The following CIT variants were observed in gnomAD, a reference collection of about 807,000 sequenced individuals.
The protein encoded by CIT is citron rho-interacting serine/threonine kinase.
A neutral mutation model predicts 272.7 loss-of-function variants in CIT; 79 were observed. That is an observed-to-expected ratio of 0.29 (90% CI 0.24 to 0.35). CIT has a LOEUF of 0.35. Among genes scored for constraint, CIT ranks in the 10% least tolerant of loss-of-function variants. The pLI, the probability that CIT is intolerant of heterozygous loss-of-function variation, is 1.00. For synonymous variants in CIT, 948 were observed against 995.6 expected, an observed-to-expected ratio of 0.95 and a Z score of 0.90; for missense variants, 1,909 against 2,618.3, an observed-to-expected ratio of 0.73 and a Z score of 5.91.
At chr12:119,815,686 A>C (rs958608203) in intron 9 of CIT, among the ~76,000 whole-genome samples, 1 of 152,128 alleles carries the variant, frequency 6.6e-6, no homozygotes, top group Non-Finnish European at 1.5e-5. Context: ...AGCCTGGGCA[A>C]CTAGAGCAAA....
In CIT at chr12:119,718,121, T is replaced by A. The variant is rs952292870; in HGVS notation, c.4168+124A>T. On this transcript the variant is annotated intron_variant, in intron 32 of 47. Coordinates refer to ENST00000392521, the MANE Select transcript of CIT (RefSeq NM_001206999.2). This position sits in a 1 kb window ranked among gnomAD's most constrained non-coding sequence, Gnocchi z 4.8. Reference sequence around the variant, plus strand: ...TCCCAAAGTGCTGGGGTTACAGGTGTGAGCCACCGTGCCTGGCCAAGACTG... The same window carrying A: ...TCCCAAAGTGCTGGGGTTACAGGTGAGAGCCACCGTGCCTGGCCAAGACTG... 5.2e-6 allele frequency: 6 copies of A among 1,144,940 alleles called. No homozygotes were observed. The highest frequency in any genetic ancestry group is 2.3e-4 in the Middle Eastern group (1 of 4,440). The allele number at this position is 1,144,940 out of a possible 1,614,324, so 70.9% of individuals were successfully genotyped here.
At chr12:119,854,073 G>A (rs1970413606) in intron 4 of CIT, among the ~76,000 whole-genome samples, 1 of 151,736 alleles carries the variant, frequency 6.6e-6, no homozygotes, top group Non-Finnish European at 1.5e-5. Context: ...TGTTGCCCAG[G>A]CTGTAGTGCA....
intron 40 of CIT, among the ~76,000 whole-genome samples, chr12:119,706,221 G>A (rs1004123286): frequency 6.6e-6 from 1 of 152,064 alleles, no homozygotes; most frequent in Non-Finnish European, 1.5e-5. Flanking sequence ...ATAAACACCT[G>A]ATTCAGACTT....
chr12:119,811,767 C>T (rs1027090671), intron 9 of CIT, among the ~76,000 whole-genome samples: 1 of 152,160 alleles, frequency 6.6e-6, no homozygotes, highest in African/African-American at 2.4e-5. Context: ...TTTAGCTTTA[C>T]TTTGTTTTTT....
chr12:119,824,329 T>C (rs1440670212), intron 8 of CIT, among the ~76,000 whole-genome samples: 1 of 152,064 alleles, frequency 6.6e-6, no homozygotes, highest in African/African-American at 2.4e-5. Context: ...TTTCCTCATC[T>C]ATAAATGAAA....
At chr12:119,777,105 A>G (rs766978983) in intron 13 of CIT, among the ~76,000 whole-genome samples, 158 of 152,204 alleles carry the variant, frequency 1.0e-3, no homozygotes, top group Middle Eastern at 3.4e-3. Flanking sequence ...AAATACAAAA[A>G]TTAGCTGGGT....
chr12:119,759,908 C>T (rs1205065068), intron 20 of CIT, among the ~76,000 whole-genome samples: 4 of 151,920 alleles, frequency 2.6e-5, no homozygotes, highest in Non-Finnish European at 4.4e-5. Flanking sequence ...GATGTGGGGT[C>T]GGGCGCGGTG....
chr12:119,809,601 C>T (rs1441100488), intron 9 of CIT, among the ~76,000 whole-genome samples: 1 of 152,184 alleles, frequency 6.6e-6, no homozygotes, highest in Non-Finnish European at 1.5e-5. Flanking sequence ...CTCCTTTCAT[C>T]TGCTCAAGGC....
chr12:119,804,242 G>A lies in CIT; in HGVS notation c.1112-853C>T. ...CGACCTACTAAGCGCTCTCGGTCTG[G>A]GAGGTGGACACTCGTCCATCAGTCA... On this transcript the variant is annotated intron_variant, in intron 9 of 47. Transcript: ENST00000392521. The surrounding 1 kb of genome is among the most constrained non-coding windows in gnomAD (Gnocchi z 5.3). 1 of 985,492 alleles carries A rather than the reference G, an allele frequency of 1.0e-6. No individual in the cohort carries two copies. Among genetic ancestry groups the A allele is most frequent in the Non-Finnish European group, 1.2e-6 (1 of 829,974 alleles). The allele number at this position is 985,492 out of a possible 1,614,324, so 61.0% of individuals were successfully genotyped here.
At chr12:119,824,036 C>A (rs1409709393) in intron 8 of CIT, among the ~76,000 whole-genome samples, 1 of 27,676 alleles carries the variant, frequency 3.6e-5, no homozygotes, top group Non-Finnish European at 5.5e-5. Context: ...AAGACTCCAT[C>A]TCAAAAAAAA....
At chr12:119,764,679 A>G (rs1962205135) in intron 19 of CIT, among the ~76,000 whole-genome samples, 1 of 152,178 alleles carries the variant, frequency 6.6e-6, no homozygotes. Context: ...CAGCTAAGAA[A>G]GAATTTGCAA....
At chr12:119,817,089 C>T (rs1454555466) in intron 9 of CIT, among the ~76,000 whole-genome samples, 1 of 152,192 alleles carries the variant, frequency 6.6e-6, no homozygotes, top group Non-Finnish European at 1.5e-5. Flanking sequence ...TAGAAGTGGG[C>T]CATCGATCCA....
chr12:119,775,353 C>T (rs1963643555), intron 16 of CIT, among the ~76,000 whole-genome samples: 1 of 152,166 alleles, frequency 6.6e-6, no homozygotes, highest in Non-Finnish European at 1.5e-5. Context: ...ATGCTATAAA[C>T]CAAATCCACG....
At chr12:119,734,413 A>T in intron 25 of CIT, 56 bp from the exon 26 acceptor site, 1 of 1,570,558 alleles carries the variant, frequency 6.4e-7, no homozygotes, top group Non-Finnish European at 8.7e-7. Flanking sequence ...TTTCCTGGAG[A>T]TTACTTTGGT....
chr12:119,718,962 A>G lies in CIT; in HGVS notation c.3841-101T>C. 8.6e-7 allele frequency: 1 copy of G among 1,165,682 alleles called. No individual in the cohort carries two copies. Among genetic ancestry groups the G allele is most frequent in the Non-Finnish European group, 1.2e-6 (1 of 802,752 alleles). The allele number at this position is 1,165,682 out of a possible 1,614,324, so 72.2% of individuals were successfully genotyped here. A position where few individuals can be genotyped will look rare whatever the true frequency, so the allele number is the denominator to read the frequency against. ...GGAGGAGCAAACCACAAAAGCCAGG[A>G]GCATACTCACTGTAAGTGTATTTAG... On this transcript the variant is annotated intron_variant, in intron 30 of 47. Transcript: ENST00000392521. This position sits in a 1 kb window ranked among gnomAD's most constrained non-coding sequence, Gnocchi z 4.8.
At chr12:119,758,749 CAG>C (rs1961359762) in intron 20 of CIT, 49 bp from the exon 21 acceptor site, 1 of 1,246,022 alleles carries the variant, frequency 8.0e-7, no homozygotes. Flanking sequence ...ACAGGAGTAA[CAG>C]GGGCAGTGCG....
At position 119,850,087 on chromosome 12, in the gene CIT, T is replaced by C. The variant is rs1188588029; in HGVS notation, c.516+87A>G. On this transcript the variant is annotated intron_variant, in intron 5 of 47. Transcript: ENST00000392521. Reference sequence around the variant, plus strand: ...AAGTCTTTGCATGAATGAGACCACATGGGCAAGAACAACATTCAGTTCTAC... The same window carrying C: ...AAGTCTTTGCATGAATGAGACCACACGGGCAAGAACAACATTCAGTTCTAC... 9 of 873,732 alleles carry C rather than the reference T, an allele frequency of 1.0e-5. No homozygotes were observed. In the East Asian group the frequency reaches 1.9e-4, roughly 19 times the overall value. The allele number at this position is 873,732 out of a possible 1,614,324, so 54.1% of individuals were successfully genotyped here. A position where few individuals can be genotyped will look rare whatever the true frequency, so the allele number is the denominator to read the frequency against.
chr12:119,811,185 G>C lies in CIT; in HGVS notation c.1112-7796C>G, dbSNP rs553363546. Reference sequence around the variant, plus strand: ...ACAAAAAATACAAAAAATTAGCCGGGTGTGGTGATGCACATGGGAGAGATG... The same window carrying C: ...ACAAAAAATACAAAAAATTAGCCGGCTGTGGTGATGCACATGGGAGAGATG... On this transcript the variant is annotated intron_variant, in intron 9 of 47. Transcript: ENST00000392521. 3.4e-4 allele frequency among the ~76,000 whole-genome samples: 52 copies of C among 152,202 alleles called. 1 individual carries two copies. The South Asian group carries it at 6.2e-3, about 18-fold the overall frequency.
chr12:119,756,672 A>G (rs1961028797), intron 22 of CIT, among the ~76,000 whole-genome samples: 1 of 152,072 alleles, frequency 6.6e-6, no homozygotes, highest in Non-Finnish European at 1.5e-5. Flanking sequence ...TGGGAAGATG[A>G]GGATTTTCCT....
Sources: allele counts gnomAD v4.1 joint callset (sites outside exome capture counted in the v4.1 genomes callset), GRCh38; gene constraint gnomAD v4.1.1; non-coding constraint Gnocchi (gnomAD v3.1); transcripts MANE v1.5; gene names NCBI Gene and HGNC (gene_info 2026-07-23, HGNC 2026-07-21).